Variants in AGBL1 observed in about 807,000 individuals in gnomAD.
AGBL1 encodes AGBL carboxypeptidase 1, also known as cytosolic carboxypeptidase 4.
AGBL1 carries 130 observed loss-of-function variants against 118.9 expected under a neutral mutation model. The observed-to-expected ratio is 1.09, with a 90% CI of 0.95 to 1.26. The LOEUF (loss-of-function observed/expected upper bound fraction) is 1.26. Among genes scored for constraint, AGBL1 ranks in the 50% most tolerant of loss-of-function variants. AGBL1 has a pLI of 0.00. For missense variants in AGBL1, 1,584 were observed against 1,298.1 expected, an observed-to-expected ratio of 1.22 and a Z score of -3.38; for synonymous variants, 555 against 478.9, an observed-to-expected ratio of 1.16 and a Z score of -2.08.
At chr15:86,456,838 A>G (rs1000779167) in intron 18 of AGBL1, among the ~76,000 whole-genome samples, 4 of 152,166 alleles carry the variant, frequency 2.6e-5, no homozygotes, top group African/African-American at 9.7e-5. Flanking sequence ...GCATATCTAC[A>G]ATGCTTTCTT....
At position 86,258,729 on chromosome 15, in the gene AGBL1, C is replaced by T. The variant is rs1178218209; in HGVS notation, c.969+698C>T. On this transcript the variant is annotated intron_variant, in intron 9 of 22. Coordinates refer to ENST00000614907, the MANE Select transcript of AGBL1 (RefSeq NM_001386094.1). The stretch of plus-strand genomic sequence containing the variant: ...TTCCAAGAAATTTTTTTTTTTGAGA[C>T]AGAGTCTCACTCGTGTCACCAGGCT... 3.3e-5 allele frequency among the ~76,000 whole-genome samples: 5 copies of T among 151,514 alleles called. No individual in the cohort carries two copies. In the South Asian group the frequency reaches 1.0e-3, roughly 32 times the overall value.
intron 21 of AGBL1, among the ~76,000 whole-genome samples, chr15:86,569,260 A>T (rs1026879061): frequency 4.0e-5 from 5 of 123,602 alleles, no homozygotes; most frequent in Non-Finnish European, 9.1e-5. Flanking sequence ...AGGCAGACCC[A>T]TCTCTACAAA....
At position 86,588,021 on chromosome 15, in the gene AGBL1, A is replaced by G. The variant is rs537151503; in HGVS notation, c.2994+33484A>G. Among the ~76,000 whole-genome samples the G allele has an allele frequency of 3.3e-5, 5 of 152,312 alleles. No individual in the cohort carries two copies. In the East Asian group the frequency reaches 9.6e-4, roughly 29 times the overall value. ...ATGTACATGGAAAGGATTACTAATA[A>G]CTAACATATCTGCTGGCACTATTCT... On this transcript the variant is annotated intron_variant, in intron 21 of 22. Coordinates refer to ENST00000614907, the MANE Select transcript of AGBL1 (RefSeq NM_001386094.1).
At chr15:86,867,131 G>A (rs1177781898) in intron 22 of AGBL1, among the ~76,000 whole-genome samples, 3 of 152,112 alleles carry the variant, frequency 2.0e-5, no homozygotes, top group Non-Finnish European at 4.4e-5. Context: ...TGCATCTCAT[G>A]CTGTCAGGAC....
intron 22 of AGBL1, among the ~76,000 whole-genome samples, chr15:86,791,705 C>T (rs960796667): frequency 6.8e-6 from 1 of 146,608 alleles, no homozygotes; most frequent in Non-Finnish European, 1.5e-5. Flanking sequence ...CAGCTGAATT[C>T]TGAACTCATC....
chr15:86,986,553 AGG>A (rs2081284750), intron 23 of AGBL1, among the ~76,000 whole-genome samples: 1 of 3,138 alleles, frequency 3.2e-4, no homozygotes. Flanking sequence ...AGCAAAAAGG[AGG>A]AGGAGGAGGA....
intron 7 of AGBL1, among the ~76,000 whole-genome samples, chr15:86,255,030 C>T (rs895556483): frequency 1.3e-5 from 2 of 152,158 alleles, no homozygotes; most frequent in Non-Finnish European, 2.9e-5. Context: ...TTCATCCTTT[C>T]ACTTGTTCCA....
At chr15:86,129,646 G>T (rs2076793386) in intron 1 of AGBL1, among the ~76,000 whole-genome samples, 1 of 152,102 alleles carries the variant, frequency 6.6e-6, no homozygotes, top group Non-Finnish European at 1.5e-5. Flanking sequence ...GTGGTGGGGT[G>T]GTTATGCTAC....
intron 21 of AGBL1, among the ~76,000 whole-genome samples, chr15:86,673,736 CT>C (rs2085786838): frequency 6.6e-6 from 1 of 152,092 alleles, no homozygotes; most frequent in Admixed American, 6.6e-5. Flanking sequence ...CATGATTTTG[CT>C]TTCATGCATA....
chr15:86,288,820 A>C (rs1041063918), intron 16 of AGBL1, among the ~76,000 whole-genome samples: 1 of 152,008 alleles, frequency 6.6e-6, no homozygotes, highest in Non-Finnish European at 1.5e-5. Flanking sequence ...TCCGAGAAGA[A>C]TTTTTTCTCT....
intron 16 of AGBL1, among the ~76,000 whole-genome samples, chr15:86,288,311 A>G (rs1186493303): frequency 6.6e-6 from 1 of 152,170 alleles, no homozygotes; most frequent in African/African-American, 2.4e-5. Flanking sequence ...TTCCTTTTCC[A>G]GGATGACTTA....
chr15:86,130,819 T>A (rs555559633), intron 1 of AGBL1, among the ~76,000 whole-genome samples: 33 of 152,342 alleles, frequency 2.2e-4, no homozygotes, highest in African/African-American at 7.9e-4. Context: ...CATTTTATTT[T>A]TCTCACATTT....
intron 17 of AGBL1, among the ~76,000 whole-genome samples, chr15:86,357,794 TTTAAAA>T (rs1835761342): frequency 1.3e-5 from 2 of 152,144 alleles, no homozygotes; most frequent in African/African-American, 4.8e-5. Flanking sequence ...TGTGAACAAT[TTTAAAA>T]TTAAAAAGTT....
At chr15:86,211,581 C>T (rs976465933) in intron 5 of AGBL1, among the ~76,000 whole-genome samples, 1 of 152,220 alleles carries the variant, frequency 6.6e-6, no homozygotes. Flanking sequence ...TGCTACCTCA[C>T]AGGTCGATCT....
At chr15:86,622,219 A>G (rs2084818324) in intron 21 of AGBL1, among the ~76,000 whole-genome samples, 1 of 151,786 alleles carries the variant, frequency 6.6e-6, no homozygotes, top group African/African-American at 2.4e-5. Context: ...AATCCCAGCT[A>G]CTCAGGAGGC....
intron 7 of AGBL1, among the ~76,000 whole-genome samples, chr15:86,250,439 T>C (rs142814261): frequency 0.051 from 7,362 of 145,706 alleles, 243 homozygotes; most frequent in South Asian, 0.12. Context: ...GACAGAAGAA[T>C]TGCTTGAACC....
At chr15:86,782,969 T>G (rs1250363400) in intron 22 of AGBL1, among the ~76,000 whole-genome samples, 1 of 152,190 alleles carries the variant, frequency 6.6e-6, no homozygotes, top group Admixed American at 6.5e-5. Flanking sequence ...CTTTGGCCAC[T>G]TTTCCTTGTT....
intron 1 of AGBL1, among the ~76,000 whole-genome samples, chr15:86,115,763 C>T (rs1270536301): frequency 6.6e-6 from 1 of 152,198 alleles, no homozygotes; most frequent in African/African-American, 2.4e-5. Context: ...TCCTCAGTCA[C>T]ATACCATGTG....
intron 16 of AGBL1, among the ~76,000 whole-genome samples, chr15:86,283,099 T>C (rs542827584): frequency 6.6e-6 from 1 of 152,318 alleles, no homozygotes; most frequent in Admixed American, 6.5e-5. Flanking sequence ...AATATACTAT[T>C]GTAATTCTGA....
Sources: allele counts gnomAD v4.1 joint callset (sites outside exome capture counted in the v4.1 genomes callset), GRCh38; gene constraint gnomAD v4.1.1; transcripts MANE v1.5; gene names NCBI Gene and HGNC (gene_info 2026-07-23, HGNC 2026-07-21).